The following KLHL15 variants were observed in gnomAD, a reference collection of about 807,000 sequenced individuals.
The protein encoded by KLHL15 is kelch like family member 15, also known as kelch-like protein 15.
In KLHL15, 1 loss-of-function variant was observed where a neutral mutation model predicts 29.3. The observed-to-expected ratio is 0.03, with a 90% CI of 0.01 to 0.16. The LOEUF (loss-of-function observed/expected upper bound fraction) is 0.16. Ranked by LOEUF, KLHL15 falls within the 10% of genes least tolerant of loss-of-function variation. The pLI, the probability that KLHL15 is intolerant of heterozygous loss-of-function variation, is 1.00. For synonymous variants in KLHL15, 212 were observed against 184.5 expected (o/e 1.15, Z -1.21); for missense variants, 215 against 478.5 (o/e 0.45, Z 5.14).
intron 2 of KLHL15, among the ~76,000 whole-genome samples, chrX:24,008,081 T>C (rs1490632472): frequency 9.0e-6 from 1 of 111,690 alleles, no homozygotes; most frequent in African/African-American, 3.2e-5. Flanking sequence ...ATTTACCTCA[T>C]TACCCTTACT....
At position 23,988,273 on chromosome X, in the gene KLHL15, C is replaced by G; in HGVS notation, c.1463G>C (p.Gly488Ala). Residue 488 changes from glycine to alanine, a missense_variant, in exon 4 of 4, where the codon GGC becomes GCC. Coordinates refer to ENST00000328046, the MANE Select transcript of KLHL15 (RefSeq NM_030624.3). ...RCFHKMISYNGKLYVFGGVCV... is the reference protein window; with the variant it reads ...RCFHKMISYNAKLYVFGGVCV... ...GACACCACCGAAGACATAAAGCTTG[C>G]CATTGTAAGAAATCATCTTGTGAAA... 5 of 1,211,360 alleles carry G rather than the reference C, an allele frequency of 4.1e-6. No homozygotes were observed. The highest frequency in any genetic ancestry group is 5.6e-6 in the Non-Finnish European group (5 of 895,351).
At chrX:24,010,616 T>C (rs1929553870) in intron 2 of KLHL15, among the ~76,000 whole-genome samples, 1 of 112,129 alleles carries the variant, frequency 8.9e-6, no homozygotes, top group Non-Finnish European at 1.9e-5. Flanking sequence ...TTCTAGAACA[T>C]GACCTACAAA....
chrX:24,024,764 T>C lies in KLHL15; in HGVS notation c.-8+93A>G, dbSNP rs1929885663. 3 of 296,805 alleles carry C rather than the reference T, an allele frequency of 1.0e-5. No individual in the cohort carries two copies. In the South Asian group the frequency reaches 6.2e-4, roughly 62 times the overall value. The allele number at this position is 296,805 out of a possible 1,213,427, so 24.5% of individuals were successfully genotyped here. A position where few individuals can be genotyped will look rare whatever the true frequency, so the allele number is the denominator to read the frequency against. ...GCGTCTACCAAATGTTTGACTCGGG[T>C]CCGTGCAGAGAGGGCCGGCGAATTC... On this transcript the variant is annotated intron_variant, in intron 2 of 3. Transcript: ENST00000328046.
intron 1 of KLHL15, among the ~76,000 whole-genome samples, chrX:24,025,988 G>A (rs1319614580): frequency 3.6e-5 from 4 of 111,756 alleles, no homozygotes; most frequent in East Asian, 2.8e-4. Context: ...ACAAGTTGAG[G>A]GCTAGGAAGC....
intron 3 of KLHL15, among the ~76,000 whole-genome samples, chrX:23,992,842 T>C (rs982819799): frequency 8.0e-5 from 9 of 112,234 alleles, no homozygotes; most frequent in African/African-American, 2.9e-4. Flanking sequence ...ATAAAACAAG[T>C]ATTATAACGA....
At chrX:24,026,102 C>G (rs1929928891) in intron 1 of KLHL15, among the ~76,000 whole-genome samples, 1 of 112,206 alleles carries the variant, frequency 8.9e-6, no homozygotes, top group Non-Finnish European at 1.9e-5. Flanking sequence ...GTGACTAGAT[C>G]TGCGCCAAAT....
At position 24,003,508 on chromosome X, in the gene KLHL15, G is replaced by A. The variant is rs181707803; in HGVS notation, c.705+2481C>T. Reference sequence around the variant, plus strand: ...GCAGAGCTTGCAGTGAGCCTAGATCGTGCCACCGCACTCCAGCCTGGGCAA... The same window carrying A: ...GCAGAGCTTGCAGTGAGCCTAGATCATGCCACCGCACTCCAGCCTGGGCAA... On this transcript the variant is annotated intron_variant, in intron 3 of 3. Transcript: ENST00000328046. 3.9e-3 allele frequency among the ~76,000 whole-genome samples: 406 copies of A among 105,412 alleles called. 4 individuals are homozygous for A. Among genetic ancestry groups the A allele is most frequent in the African/African-American group, 0.013 (386 of 28,707 alleles). 91.5% of individuals were successfully genotyped at this position (105,412 alleles called of 115,157 possible).
At chrX:24,020,590 T>A (rs1929783595) in intron 2 of KLHL15, among the ~76,000 whole-genome samples, 1 of 111,222 alleles carries the variant, frequency 9.0e-6, no homozygotes, top group South Asian at 3.7e-4. Flanking sequence ...ACAAGAAGCC[T>A]TATAAGAAAA....
chrX:24,000,825 T>C (rs1051517689), intron 3 of KLHL15, among the ~76,000 whole-genome samples: 1 of 112,623 alleles, frequency 8.9e-6, no homozygotes, highest in African/African-American at 3.2e-5. Flanking sequence ...GATGTGGCTT[T>C]GCCCAGGCAA....
At chrX:23,995,716 T>A (rs757267733) in intron 3 of KLHL15, among the ~76,000 whole-genome samples, 84 of 103,393 alleles carry the variant, frequency 8.1e-4, no homozygotes, top group African/African-American at 2.8e-3. Context: ...TGAGCCACCG[T>A]GCCCAGCCTA....
Position 24,006,064 on chromosome X carries a change from T to C in KLHL15, c.630A>G (p.Arg210=). The change falls in exon 3 of 4, where the codon AGA becomes AGG. Residue 210 remains arginine, a synonymous_variant. Transcript: ENST00000328046. ...AVQSWLRHDR[R]RWRHTDTIIQ... ...TGATGGTATCGGTATGTCTCCAGCG[T>C]CTTCTATCATGCCGCAGCCAAGACT... The C allele has an allele frequency of 8.3e-7, 1 of 1,211,477 alleles. No individual in the cohort carries two copies. Among genetic ancestry groups the C allele is most frequent in the African/African-American group, 1.7e-5 (1 of 57,701 alleles).
At chrX:24,022,617 C>T (rs1162028316) in intron 2 of KLHL15, among the ~76,000 whole-genome samples, 4 of 95,864 alleles carry the variant, frequency 4.2e-5, no homozygotes, top group Non-Finnish European at 6.1e-5. Flanking sequence ...CCAGCCTGGG[C>T]GACAGAACAA....
At chrX:24,021,216 A>C (rs772156145) in intron 2 of KLHL15, among the ~76,000 whole-genome samples, 15 of 111,430 alleles carry the variant, frequency 1.3e-4, no homozygotes, top group Non-Finnish European at 2.6e-4. Flanking sequence ...CAATAATAAT[A>C]ATCTTATATT....
intron 2 of KLHL15, among the ~76,000 whole-genome samples, chrX:24,021,413 T>A (rs760461997): frequency 4.9e-4 from 55 of 111,154 alleles, no homozygotes; most frequent in Non-Finnish European, 7.0e-4. Context: ...AAACCCCATC[T>A]GCCCCATCAA....
chrX:23,992,746 T>C (rs901208171), intron 3 of KLHL15, among the ~76,000 whole-genome samples: 8 of 112,427 alleles, frequency 7.1e-5, no homozygotes, highest in African/African-American at 2.6e-4. Flanking sequence ...AAGGGGAACG[T>C]ATCTAAATCT....
chrX:24,014,690 G>A (rs1424942774), intron 2 of KLHL15, among the ~76,000 whole-genome samples: 3 of 111,788 alleles, frequency 2.7e-5, no homozygotes, highest in Non-Finnish European at 5.6e-5. Context: ...TCCTGTCTGA[G>A]TACACAGCAC....
chrX:24,026,955 T>C (rs909995750), intron 1 of KLHL15, among the ~76,000 whole-genome samples, 185 bp downstream of exon 1: 1 of 112,423 alleles, frequency 8.9e-6, no homozygotes, highest in Non-Finnish European at 1.9e-5. Context: ...CATGACAAAT[T>C]ACCCCAGAAT....
At chrX:23,998,526 G>A (rs1929242558) in intron 3 of KLHL15, among the ~76,000 whole-genome samples, 1 of 111,598 alleles carries the variant, frequency 9.0e-6, no homozygotes, top group African/African-American at 3.3e-5. Context: ...CAAAGTGCTG[G>A]GATTACAGGT....
intron 2 of KLHL15, among the ~76,000 whole-genome samples, chrX:24,011,183 GAAAA>G (rs1274576414): frequency 4.0e-5 from 4 of 100,033 alleles, no homozygotes; most frequent in African/African-American, 7.4e-5. Context: ...AAAAAAAAAA[GAAAA>G]AAGAAAAAAG....
Sources: allele counts gnomAD v4.1 joint callset (sites outside exome capture counted in the v4.1 genomes callset), GRCh38; gene constraint gnomAD v4.1.1; transcripts MANE v1.5; gene names NCBI Gene and HGNC (gene_info 2026-07-23, HGNC 2026-07-21).